Variants in PRIMPOL observed in about 807,000 individuals in gnomAD.
PRIMPOL encodes the protein primase and DNA directed polymerase.
Under a neutral mutation model 63.6 loss-of-function variants are expected in PRIMPOL, and 54 were observed. The observed-to-expected ratio is 0.85, with a 90% CI of 0.68 to 1.07. The LOEUF (loss-of-function observed/expected upper bound fraction) is 1.07, where lower values mean the gene tolerates loss of function less well. Ranked by LOEUF, PRIMPOL falls within the 50% of genes least tolerant of loss-of-function variation. PRIMPOL has a pLI of 0.00. For synonymous variants in PRIMPOL, 197 were observed against 220.2 expected (o/e 0.89, Z 0.93); for missense variants, 610 against 648.3 (o/e 0.94, Z 0.64).
chr4:184,659,264 G>A (rs1747569685), intron 3 of PRIMPOL, 76 bp from the exon 4 acceptor site: 2 of 1,027,928 alleles, frequency 1.9e-6, no homozygotes, highest in Middle Eastern at 2.1e-4. Flanking sequence ...AATTCTTTAT[G>A]AACATTCAGT....
chr4:184,682,275 A>G lies in PRIMPOL; in HGVS notation c.1035A>G (p.Thr345=). 6 of 1,602,254 alleles carry G rather than the reference A, an allele frequency of 3.7e-6. No individual in the cohort carries two copies. The highest frequency in any genetic ancestry group is 5.1e-6 in the Non-Finnish European group (6 of 1,169,872). Residue 345 remains threonine (T), a synonymous_variant, in exon 9 of 14, where the codon ACA becomes ACG. Coordinates refer to ENST00000314970, the MANE Select transcript of PRIMPOL (RefSeq NM_152683.4). The part of the protein sequence containing the change: ...VRFSDTLRIL[T]CEPSQNKQKG... The stretch of plus-strand genomic sequence containing the variant: ...TCTCAGATACTTTACGAATTCTTAC[A>G]TGTGAGCCATCTCAGAATAAACAAA...
chr4:184,658,042 AAATC>A (rs1288648871), intron 3 of PRIMPOL, among the ~76,000 whole-genome samples: 2 of 144,628 alleles, frequency 1.4e-5, no homozygotes, highest in African/African-American at 2.5e-5. Context: ...AAATATCACT[AAATC>A]AAGCAACAGA....
chr4:184,683,197 G>A (rs1408197303), intron 9 of PRIMPOL, among the ~76,000 whole-genome samples: 1 of 152,348 alleles, frequency 6.6e-6, no homozygotes, highest in Non-Finnish European at 1.5e-5. Context: ...TTGGGAGGCT[G>A]AGTCGGGCAG....
chr4:184,659,218 A>G, intron 3 of PRIMPOL, 122 bp from the exon 4 acceptor site: 1 of 700,264 alleles, frequency 1.4e-6, no homozygotes, highest in South Asian at 1.8e-5. Flanking sequence ...AATAATACAA[A>G]TGTTCAAATT....
At chr4:184,665,056 A>G (rs1200172709) in intron 5 of PRIMPOL, among the ~76,000 whole-genome samples, 4 of 152,206 alleles carry the variant, frequency 2.6e-5, no homozygotes, top group African/African-American at 7.2e-5. Flanking sequence ...GTTCATAAAC[A>G]TTTTTGCTCA....
chr4:184,694,333 A>G (rs1579734991), intron 13 of PRIMPOL, 189 bp from the exon 14 acceptor site: 4 of 1,357,884 alleles, frequency 2.9e-6, no homozygotes, highest in Non-Finnish European at 3.8e-6. Flanking sequence ...TCTGAGCTTC[A>G]GTGCAGCAAC....
chr4:184,679,441 G>A (rs1358027569), intron 8 of PRIMPOL, among the ~76,000 whole-genome samples: 3 of 152,134 alleles, frequency 2.0e-5, no homozygotes, highest in Non-Finnish European at 1.5e-5. Flanking sequence ...GGGTGACAGG[G>A]TGAGACCCCA....
intron 8 of PRIMPOL, among the ~76,000 whole-genome samples, chr4:184,681,789 G>T (rs556890079): frequency 1.3e-5 from 2 of 152,224 alleles, no homozygotes; most frequent in South Asian, 4.2e-4. Flanking sequence ...GGCCAGGCTG[G>T]TCTCAAACTC....
rs1755873857 is a variant in PRIMPOL at position 184,682,435 on chromosome 4, T to TG, written c.1096+99_1096+100insG. The TG allele has an allele frequency of 1.4e-5, 9 of 624,174 alleles. No individual in the cohort carries two copies. The South Asian group carries it at 1.7e-4, about 12-fold the overall frequency. 38.7% of individuals were successfully genotyped at this position (624,174 alleles called of 1,614,324 possible). On this transcript the variant is annotated intron_variant, in intron 9 of 13. Transcript: ENST00000314970. ...GCGATCTCGGCTCACTGCAGCCTCC[T>TG]CCTCCCAGGCTCAAGCCATCTCCTG... is the stretch of plus-strand genomic sequence containing the variant.
At chr4:184,651,072 G>T (rs549769766) in intron 1 of PRIMPOL, among the ~76,000 whole-genome samples, 3 of 152,028 alleles carry the variant, frequency 2.0e-5, no homozygotes, top group Non-Finnish European at 4.4e-5. Flanking sequence ...GGTGGATCAC[G>T]AGGTCAGGAG....
intron 11 of PRIMPOL, among the ~76,000 whole-genome samples, chr4:184,686,170 T>C (rs1230564054): frequency 6.6e-6 from 1 of 152,222 alleles, no homozygotes; most frequent in African/African-American, 2.4e-5. Flanking sequence ...TTGTGATTAT[T>C]GCGTTGCTTC....
chr4:184,672,156 A>T lies in PRIMPOL; in HGVS notation c.557-17A>T. On this transcript the variant is annotated splice_polypyrimidine_tract_variant and intron_variant, in intron 6 of 13. Transcript: ENST00000314970. ...GTGGAGAAGATCCAGGTGAATGATA[A>T]TAGCTTTTTTCCTTAGGTAATTTTT... 6.3e-7 allele frequency: 1 copy of T among 1,599,120 alleles called. No homozygotes were observed. Among genetic ancestry groups the T allele is most frequent in the Non-Finnish European group, 8.5e-7 (1 of 1,173,110 alleles).
chr4:184,671,165 A>G (rs1382981440), intron 6 of PRIMPOL, among the ~76,000 whole-genome samples: 2 of 152,186 alleles, frequency 1.3e-5, no homozygotes, highest in Non-Finnish European at 2.9e-5. Context: ...TTCTTAGAAT[A>G]AATGTTGAAG....
At chr4:184,678,620 C>A (rs539758872) in intron 8 of PRIMPOL, among the ~76,000 whole-genome samples, 1 of 151,228 alleles carries the variant, frequency 6.6e-6, no homozygotes, top group Non-Finnish European at 1.5e-5. Flanking sequence ...CTCTGCCTCC[C>A]GGGTTCATGC....
intron 6 of PRIMPOL, among the ~76,000 whole-genome samples, chr4:184,667,789 C>T (rs1750496654): frequency 6.6e-6 from 1 of 152,170 alleles, no homozygotes; most frequent in Non-Finnish European, 1.5e-5. Context: ...CATTATCCCC[C>T]TTATAAGGTT....
In PRIMPOL at chr4:184,661,836, AT is replaced by A. The variant is rs1446203212; in HGVS notation, c.344del (p.Leu115TrpfsTer42). The A allele has an allele frequency of 1.2e-6, 2 of 1,613,830 alleles. No homozygotes were observed. The highest frequency in any genetic ancestry group is 1.7e-6 in the Non-Finnish European group (2 of 1,179,798). The stretch of plus-strand genomic sequence containing the variant: ...AATGCTGTGTGCAAGCTTTATTTTG[AT>A]TTGGAATTTAACAAACCTGCCAACC... ...PENAVCKLYF[D>X]LEFNKPANPG... is the part of the protein sequence containing the mutation. On this transcript the variant is annotated frameshift_variant, in exon 5 of 14. Transcript: ENST00000314970. LOFTEE classifies it high-confidence loss of function.
chr4:184,683,523 G>A (rs1756209870), intron 9 of PRIMPOL, among the ~76,000 whole-genome samples: 1 of 152,044 alleles, frequency 6.6e-6, no homozygotes, highest in African/African-American at 2.4e-5. Context: ...AAATGAAAAT[G>A]TAAAGTTCTT....
At chr4:184,677,630 A>C (rs1754468523) in intron 7 of PRIMPOL, among the ~76,000 whole-genome samples, 1 of 152,194 alleles carries the variant, frequency 6.6e-6, no homozygotes, top group Non-Finnish European at 1.5e-5. Context: ...GACCTTTTGC[A>C]CTTCCATTTA....
chr4:184,669,984 T>G (rs1221968133), intron 6 of PRIMPOL, among the ~76,000 whole-genome samples: 1 of 152,240 alleles, frequency 6.6e-6, no homozygotes, highest in Non-Finnish European at 1.5e-5. Context: ...AGATCATAGA[T>G]CTTGATCTGC....
Sources: allele counts gnomAD v4.1 joint callset (sites outside exome capture counted in the v4.1 genomes callset), GRCh38; gene constraint gnomAD v4.1.1; transcripts MANE v1.5; gene names NCBI Gene and HGNC (gene_info 2026-07-23, HGNC 2026-07-21).